Variants in ATP8A2 observed in about 807,000 individuals in gnomAD.
ATP8A2 encodes the protein phospholipid-transporting ATPase IB.
Under a neutral mutation model 165.6 loss-of-function variants are expected in ATP8A2, and 100 were observed. The observed-to-expected ratio is 0.60, with a 90% CI of 0.51 to 0.71. The LOEUF (loss-of-function observed/expected upper bound fraction) is 0.71, where lower values mean the gene tolerates loss of function less well. Among genes scored for constraint, ATP8A2 ranks in the 30% least tolerant of loss-of-function variants. The pLI is 0.00. For missense variants in ATP8A2, 1,227 were observed against 1,479.5 expected (o/e 0.83, Z 2.80); for synonymous variants, 543 against 548.8 (o/e 0.99, Z 0.15).
chr13:25,885,066 C>G (rs1327222992), intron 33 of ATP8A2, among the ~76,000 whole-genome samples: 1 of 151,510 alleles, frequency 6.6e-6, no homozygotes, highest in Non-Finnish European at 1.5e-5. Flanking sequence ...GGCTCGCTTC[C>G]TCTCTCCAGC....
At chr13:25,591,133 ATGTGTGTG>A (rs59431385) in intron 24 of ATP8A2, 15 of 297,452 alleles carry the variant, frequency 5.0e-5, no homozygotes, top group African/African-American at 9.1e-5. Context: ...TGGAAATACT[ATGTGTGTG>A]TGTGTGTGTG....
intron 25 of ATP8A2, among the ~76,000 whole-genome samples, chr13:25,719,662 C>G (rs1367046883): frequency 6.6e-6 from 1 of 152,198 alleles, no homozygotes; most frequent in African/African-American, 2.4e-5. Flanking sequence ...CTTTTCCTGT[C>G]CTGCTGATAC....
chr13:25,944,309 C>A (rs1030138644), intron 33 of ATP8A2, among the ~76,000 whole-genome samples: 4 of 152,180 alleles, frequency 2.6e-5, no homozygotes, highest in African/African-American at 9.7e-5. Context: ...GAGTTTGAGA[C>A]CAGCCAGGCC....
chr13:25,944,808 C>G (rs1387150248), intron 33 of ATP8A2: 1 of 152,200 alleles, frequency 6.6e-6, no homozygotes, highest in Non-Finnish European at 1.5e-5. Flanking sequence ...ATCTCTGACA[C>G]CATGGGACAG....
At chr13:25,809,717 G>A (rs80176882) in intron 27 of ATP8A2, among the ~76,000 whole-genome samples, 3,867 of 152,080 alleles carry the variant, frequency 0.025, 169 homozygotes, top group African/African-American at 0.088. Flanking sequence ...TTATTTGTAC[G>A]TTTCCTTCTG....
At chr13:25,932,049 A>AG (rs1265187936) in intron 33 of ATP8A2, among the ~76,000 whole-genome samples, 1 of 63,302 alleles carries the variant, frequency 1.6e-5, no homozygotes, top group Non-Finnish European at 3.3e-5. Flanking sequence ...ACTCCATCTC[A>AG]AAAAAAAAAA....
intron 27 of ATP8A2, among the ~76,000 whole-genome samples, chr13:25,820,502 G>A (rs1381640548): frequency 2.0e-5 from 3 of 152,152 alleles, no homozygotes; most frequent in African/African-American, 4.8e-5. Context: ...AAATTTAGTG[G>A]CTATAAGCAA....
intron 33 of ATP8A2, among the ~76,000 whole-genome samples, chr13:25,870,429 C>T (rs1952642913): frequency 6.6e-6 from 1 of 152,204 alleles, no homozygotes; most frequent in Non-Finnish European, 1.5e-5. Flanking sequence ...CCATGCCCTT[C>T]CCCCATTCTG....
chr13:25,948,194 TCTC>T (rs1185249303), intron 33 of ATP8A2, among the ~76,000 whole-genome samples: 1 of 151,794 alleles, frequency 6.6e-6, no homozygotes, highest in African/African-American at 2.4e-5. Flanking sequence ...GGGTAGCCCT[TCTC>T]CTGACAGCAG....
intron 33 of ATP8A2, among the ~76,000 whole-genome samples, chr13:25,890,777 A>G (rs189288849): frequency 3.9e-5 from 6 of 152,356 alleles, no homozygotes; most frequent in South Asian, 2.1e-4. Context: ...AGAAAGACCT[A>G]TGAAATTTAG....
chr13:25,949,425 G>T (rs987140018), intron 33 of ATP8A2, among the ~76,000 whole-genome samples: 4 of 152,214 alleles, frequency 2.6e-5, no homozygotes, highest in African/African-American at 9.6e-5. Flanking sequence ...TTTGGCAATC[G>T]TTAGGCATCC....
intron 18 of ATP8A2, 93 bp from the exon 19 acceptor site, chr13:25,574,715 G>C: frequency 1.3e-6 from 1 of 787,130 alleles, no homozygotes; most frequent in Non-Finnish European, 2.3e-6. Context: ...GAGAGAGAGA[G>C]AGCATATATA....
chr13:25,437,330 A>G (rs2034809006), intron 1 of ATP8A2, among the ~76,000 whole-genome samples: 1 of 152,164 alleles, frequency 6.6e-6, no homozygotes, highest in African/African-American at 2.4e-5. Context: ...ATGACTTGGA[A>G]GGTGTGCCCA....
rs1365199865 is a variant in ATP8A2, at chr13:25,650,312, G to C, written c.2212-48861G>C. On this transcript the variant is annotated intron_variant, in intron 24 of 36. Coordinates refer to ENST00000381655, the MANE Select transcript of ATP8A2 (RefSeq NM_016529.6). ...TAGTTGAACTTTTTGTGGGGTAGGG[G>C]GGTAGTGAAACCTGTGACCTCCTAT... is the stretch of plus-strand genomic sequence containing the variant. Among the ~76,000 whole-genome samples the C allele has an allele frequency of 2.6e-5, 4 of 152,136 alleles. No individual in the cohort carries two copies. The East Asian group carries it at 7.7e-4, about 29-fold the overall frequency.
chr13:25,655,092 T>C (rs1038221876), intron 24 of ATP8A2, among the ~76,000 whole-genome samples: 5 of 152,204 alleles, frequency 3.3e-5, no homozygotes, highest in African/African-American at 1.2e-4. Context: ...ACATTCTACA[T>C]TGAGGAAGTA....
chr13:25,603,074 A>G (rs111441197), intron 24 of ATP8A2, among the ~76,000 whole-genome samples: 24,305 of 152,166 alleles, frequency 0.16, 2,413 homozygotes, highest in Non-Finnish European at 0.24. Context: ...TCCATCTCTA[A>G]ATAAATAAAT....
chr13:25,584,698 G>C (rs986917240), intron 23 of ATP8A2, among the ~76,000 whole-genome samples: 33 of 152,160 alleles, frequency 2.2e-4, no homozygotes, highest in Admixed American at 6.5e-4. Context: ...CTTCTGGTGT[G>C]GGGCTTATTT....
intron 24 of ATP8A2, among the ~76,000 whole-genome samples, chr13:25,683,388 C>T (rs762908304): frequency 3.9e-5 from 6 of 152,114 alleles, no homozygotes; most frequent in Admixed American, 1.3e-4. Context: ...TGCGTGATTT[C>T]GTAGTAGAGT....
chr13:25,431,980 G>A (rs2034627091), intron 1 of ATP8A2, among the ~76,000 whole-genome samples: 1 of 152,116 alleles, frequency 6.6e-6, no homozygotes, highest in Non-Finnish European at 1.5e-5. Context: ...TTTAAATTGA[G>A]TCGTATGGTG....
Sources: allele counts gnomAD v4.1 joint callset (sites outside exome capture counted in the v4.1 genomes callset), GRCh38; gene constraint gnomAD v4.1.1; transcripts MANE v1.5; gene names NCBI Gene and HGNC (gene_info 2026-07-23, HGNC 2026-07-21).